The following TACC1 variants were observed in gnomAD, a reference collection of about 807,000 sequenced individuals.
The protein encoded by TACC1 is transforming acidic coiled-coil containing protein 1, also known as transforming acidic coiled-coil-containing protein 1.
A neutral mutation model predicts 84.4 loss-of-function variants in TACC1; 48 were observed. The observed-to-expected ratio is 0.57, with a 90% CI of 0.45 to 0.72. The LOEUF is 0.72. Among genes scored for constraint, TACC1 ranks in the 30% least tolerant of loss-of-function variants. The pLI is 0.00. For missense variants in TACC1, 920 were observed against 973.0 expected (o/e 0.95, Z 0.72); for synonymous variants, 372 against 376.3 (o/e 0.99, Z 0.13).
At chr8:38,842,151 A>G in intron 9 of TACC1, 136 bp from the exon 10 acceptor site, 1 of 995,126 alleles carries the variant, frequency 1.0e-6, no homozygotes, top group South Asian at 1.6e-5. Flanking sequence ...GTCTCCCCCA[A>G]CTAGAGTATA....
chr8:38,840,680 T>C (rs758420541), intron 9 of TACC1: 1 of 157,960 alleles, frequency 6.3e-6, no homozygotes, highest in East Asian at 1.8e-4. Context: ...TGTCTGTCAC[T>C]TAGATACAGT....
chr8:38,822,237 C>G (rs1827014731), intron 3 of TACC1, among the ~76,000 whole-genome samples: 1 of 123,918 alleles, frequency 8.1e-6, no homozygotes, highest in South Asian at 2.6e-4. Flanking sequence ...AGAGCAAGAC[C>G]CTGTCTTTAA....
rs775001474 is a variant in TACC1 at position 38,820,626 on chromosome 8, G to T, written c.1382G>T (p.Arg461Leu). Residue 461 changes from arginine to leucine, a missense_variant, in exon 3 of 13, where the codon CGT becomes CTT. Physicochemically the swap from Arg to Leu is moderately radical, Grantham distance 102. Around this residue, in one of 2 missense-constraint regions of TACC1, gnomAD observed 762 missense variants for 747.3 expected, o/e 1.02. Transcript: ENST00000317827. ...GAATCACCCAAGAAGGCAAAGTCGC[G>T]TTTAATAACGTGAGTGACAGTGGGC... ...ILESPKKAKS[R>L]LITSGCKVKK... The T allele has an allele frequency of 1.2e-6, 2 of 1,603,990 alleles. No homozygotes were observed. Among genetic ancestry groups the T allele is most frequent in the African/African-American group, 2.7e-5 (2 of 74,904 alleles).
intron 1 of TACC1, among the ~76,000 whole-genome samples, chr8:38,729,838 T>G (rs2151588897): frequency 6.6e-6 from 1 of 152,172 alleles, no homozygotes; most frequent in East Asian, 1.9e-4. Flanking sequence ...CACTGCACTT[T>G]AGTCTGGGCA....
chr8:38,811,177 A>G lies in TACC1; in HGVS notation c.278-8345A>G, dbSNP rs118019851. Among the ~76,000 whole-genome samples the G allele has an allele frequency of 3.6e-4, 55 of 152,142 alleles. No homozygotes were observed. In the East Asian group the frequency reaches 0.01, roughly 28 times the overall value. On this transcript the variant is annotated intron_variant, in intron 2 of 12. Coordinates refer to ENST00000317827, the MANE Select transcript of TACC1 (RefSeq NM_006283.3). ...ATGTTTAAAATTTTTTTGAAATGAAATATGGAATGATTAAAAAAAAAAAAA... is the reference window on the plus strand; with the variant it reads ...ATGTTTAAAATTTTTTTGAAATGAAGTATGGAATGATTAAAAAAAAAAAAA...
At chr8:38,774,600 C>G (rs956572894) in intron 3 of TACC1, among the ~76,000 whole-genome samples, 22 of 152,238 alleles carry the variant, frequency 1.4e-4, no homozygotes, top group African/African-American at 4.8e-4. Flanking sequence ...TCAAATGATC[C>G]TCCCATCTTG....
intron 2 of TACC1, among the ~76,000 whole-genome samples, chr8:38,797,140 G>A (rs1820196038): frequency 6.6e-6 from 1 of 152,256 alleles, no homozygotes; most frequent in South Asian, 2.1e-4. Flanking sequence ...TCACAGCATG[G>A]CAGCTGGCTG....
chr8:38,848,944 C>T lies in TACC1; in HGVS notation c.*921C>T, dbSNP rs1204441132. The T allele has an allele frequency of 1.3e-5, 2 of 150,834 alleles. No individual in the cohort carries two copies. The highest frequency in any genetic ancestry group is 2.9e-5 in the Non-Finnish European group (2 of 67,824). The allele number at this position is 150,834 out of a possible 1,614,324, so 9.3% of individuals were successfully genotyped here. ...CCTCCATTTGTTAATACAGAATCAACATTTAGTCTTCATTATCTTTTTTTT... is the reference window on the plus strand; with the variant it reads ...CCTCCATTTGTTAATACAGAATCAATATTTAGTCTTCATTATCTTTTTTTT... On this transcript the variant is annotated 3_prime_UTR_variant, in exon 13 of 13. Coordinates refer to ENST00000317827, the MANE Select transcript of TACC1 (RefSeq NM_006283.3).
intron 2 of TACC1, 109 bp downstream of exon 2, chr8:38,788,928 C>T (rs1817981054): frequency 2.3e-6 from 2 of 881,464 alleles, no homozygotes; most frequent in African/African-American, 1.7e-5. Context: ...GAGAGTTTGA[C>T]TAAGAAAGAG....
At chr8:38,756,717 A>G (rs549233596) in intron 3 of TACC1, among the ~76,000 whole-genome samples, 3 of 152,352 alleles carry the variant, frequency 2.0e-5, no homozygotes, top group Admixed American at 6.5e-5. Flanking sequence ...GTTCCAAGTT[A>G]CTCAGCTAGT....
At chr8:38,798,606 C>CGTGTGTGT (rs10631964) in intron 2 of TACC1, among the ~76,000 whole-genome samples, 26,786 of 143,298 alleles carry the variant, frequency 0.19, 2,899 homozygotes, top group Non-Finnish European at 0.25. Flanking sequence ...CTGGGTTCTG[C>CGTGTGTGT]GTGTGTGTGT....
At chr8:38,823,945 C>A (rs1490579077) in intron 3 of TACC1, 3 of 1,324,340 alleles carry the variant, frequency 2.3e-6, no homozygotes, top group African/African-American at 3.0e-5. Context: ...TTTTTTTCTC[C>A]ATCTGTCTGT....
At chr8:38,799,308 G>A (rs1820779428) in intron 2 of TACC1, among the ~76,000 whole-genome samples, 1 of 152,268 alleles carries the variant, frequency 6.6e-6, no homozygotes, top group Middle Eastern at 3.2e-3. Flanking sequence ...TGCGACAGAT[G>A]AGGTGAGGAG....
At chr8:38,735,200 C>T (rs1316021373) in intron 1 of TACC1, among the ~76,000 whole-genome samples, 2 of 152,196 alleles carry the variant, frequency 1.3e-5, no homozygotes, top group Admixed American at 6.5e-5. Flanking sequence ...ACTCTCTATT[C>T]GAAACCCTTC....
rs1298872975 is a variant in TACC1, at chr8:38,849,290, T to C, written c.*1267T>C. ...AGGAGTGCAAGGAGAAGGTCTGTAC[T>C]AACAAAGCCAAATTCCTCAAGCTCT... On this transcript the variant is annotated 3_prime_UTR_variant, in exon 13 of 13. Transcript: ENST00000317827. 6.6e-6 allele frequency: 1 copy of C among 152,210 alleles called. No individual in the cohort carries two copies. Among genetic ancestry groups the C allele is most frequent in the Non-Finnish European group, 1.5e-5 (1 of 68,038 alleles). 9.4% of individuals were successfully genotyped at this position (152,210 alleles called of 1,614,324 possible). A position where few individuals can be genotyped will look rare whatever the true frequency, so the allele number is the denominator to read the frequency against.
At chr8:38,751,280 A>G (rs561141019) in intron 3 of TACC1, among the ~76,000 whole-genome samples, 24 of 152,326 alleles carry the variant, frequency 1.6e-4, no homozygotes, top group African/African-American at 5.5e-4. Flanking sequence ...CAGCTCTCTA[A>G]AACTGAGTAT....
chr8:38,828,549 T>G (rs559466816), intron 5 of TACC1, among the ~76,000 whole-genome samples: 1 of 152,314 alleles, frequency 6.6e-6, no homozygotes, highest in Admixed American at 6.5e-5. Context: ...CAGGGGAACT[T>G]AGCAAGTCCT....
chr8:38,786,948 G>GA (rs1184411898), upstream of TACC1, among the ~76,000 whole-genome samples: 104 of 152,128 alleles, frequency 6.8e-4, no homozygotes, highest in African/African-American at 2.4e-3. Flanking sequence ...GAAAGAGGAA[G>GA]AGGACAGCGT....
intron 8 of TACC1, 147 bp from the exon 9 acceptor site, chr8:38,840,077 A>AG (rs1830928117): frequency 3.0e-6 from 1 of 329,056 alleles, no homozygotes; most frequent in Non-Finnish European, 5.6e-6. Context: ...AAAAAAAAAA[A>AG]AAGATAACGA....
Sources: allele counts gnomAD v4.1 joint callset (sites outside exome capture counted in the v4.1 genomes callset), GRCh38; gene constraint gnomAD v4.1.1; regional missense constraint gnomAD v4.1.1; transcripts MANE v1.5; gene names NCBI Gene and HGNC (gene_info 2026-07-23, HGNC 2026-07-21).